The following SLC35E4 variants were observed in gnomAD, a reference collection of about 807,000 sequenced individuals.
SLC35E4 encodes solute carrier family 35 member E4.
In SLC35E4, 15 loss-of-function variants were observed where a neutral mutation model predicts 19.3. The ratio of observed to expected loss-of-function variants is 0.78; its 90% CI spans 0.52 to 1.20. The LOEUF is 1.20. Ranked by LOEUF, SLC35E4 falls within the 50% of genes most tolerant of loss-of-function variation. The probability of loss-of-function intolerance (pLI) is 0.00; values close to 1 mark genes in which losing one functional copy is unlikely to be tolerated. For missense variants in SLC35E4, 406 were observed against 472.3 expected (o/e 0.86, Z 1.30); for synonymous variants, 219 against 219.9 (o/e 1.00, Z 0.04).
Position 30,646,933 on chromosome 22 carries a change from CT to C in SLC35E4, c.958del (p.Ser320GlnfsTer69). ...ALSYVGIALT[L>X]SGMFLYHNCE... ...CAGCTACGTGGGCATCGCACTCACT[CT>C]TTCAGGAATGTTCCTTTACCACAAC... On this transcript the variant is annotated frameshift_variant, in exon 2 of 2. Transcript: ENST00000343605. LOFTEE classifies it high-confidence loss of function. 1 of 1,614,206 alleles carries C rather than the reference CT, an allele frequency of 6.2e-7. No individual in the cohort carries two copies.
chr22:30,659,327 G>C (rs1001432506), intron 2 of SLC35E4, among the ~76,000 whole-genome samples: 3 of 152,008 alleles, frequency 2.0e-5, no homozygotes, highest in East Asian at 3.9e-4. Flanking sequence ...GGAAAGTCTG[G>C]ACCCTGAGAT....
chr22:30,651,544 T>C (rs530759866), downstream of SLC35E4, among the ~76,000 whole-genome samples: 5 of 145,856 alleles, frequency 3.4e-5, no homozygotes, highest in African/African-American at 7.7e-5. Flanking sequence ...CCTCCCAAAG[T>C]GCTAGGATTA....
At chr22:30,658,940 C>A (rs1437257233) in intron 2 of SLC35E4, among the ~76,000 whole-genome samples, 1 of 151,822 alleles carries the variant, frequency 6.6e-6, no homozygotes, top group Non-Finnish European at 1.5e-5. Context: ...ATCAGGAGAT[C>A]GAGACCATCC....
At chr22:30,664,517 A>C (rs1030639620), downstream of SLC35E4, among the ~76,000 whole-genome samples, 1 of 152,120 alleles carries the variant, frequency 6.6e-6, no homozygotes, top group Non-Finnish European at 1.5e-5. Flanking sequence ...AGCCCCTCTG[A>C]GTGGGAACCA....
At chr22:30,664,573 A>G (rs2088584139), downstream of SLC35E4, among the ~76,000 whole-genome samples, 1 of 152,202 alleles carries the variant, frequency 6.6e-6, no homozygotes, top group African/African-American at 2.4e-5. Flanking sequence ...TGCCCAAATC[A>G]TAAGGTCCTG....
downstream of SLC35E4, chr22:30,665,686 G>T (rs1443168464): frequency 8.5e-6 from 3 of 353,538 alleles, no homozygotes; most frequent in Non-Finnish European, 1.7e-5. Flanking sequence ...GTTTTGCTCC[G>T]ATCTGTCTGA....
At chr22:30,662,558 C>T (rs1012652190) in exon 3 of SLC35E4, 1 of 151,972 alleles carries the variant, frequency 6.6e-6, no homozygotes, top group Non-Finnish European at 1.5e-5. Flanking sequence ...ACAGTGGTAT[C>T]GGGGTACAGT....
chr22:30,641,217 G>A (rs1160208013), intron 1 of SLC35E4, among the ~76,000 whole-genome samples: 1 of 152,214 alleles, frequency 6.6e-6, no homozygotes, highest in East Asian at 1.9e-4. Context: ...GCCCCAGCCT[G>A]CAGGAGGGGC....
downstream of SLC35E4, among the ~76,000 whole-genome samples, chr22:30,649,487 G>A (rs1310925165): frequency 7.8e-6 from 1 of 128,874 alleles, no homozygotes; most frequent in African/African-American, 3.0e-5. Flanking sequence ...CCAGCCCACG[G>A]CGGGGTGGGA....
At chr22:30,638,175 G>T (rs1299869893) in intron 1 of SLC35E4, among the ~76,000 whole-genome samples, 1 of 151,426 alleles carries the variant, frequency 6.6e-6, no homozygotes, top group African/African-American at 2.4e-5. Flanking sequence ...GACCACCCTG[G>T]CCAACATGGT....
At chr22:30,667,474 G>C (rs565593540), downstream of SLC35E4, 2 of 152,180 alleles carry the variant, frequency 1.3e-5, no homozygotes, top group Non-Finnish European at 2.9e-5. Flanking sequence ...CTCTCCTTCA[G>C]GCGGGTGGGC....
Position 30,637,012 on chromosome 22 carries a change from G to C in SLC35E4, c.562G>C (p.Gly188Arg), listed in dbSNP as rs2087963369. 6.3e-7 allele frequency: 1 copy of C among 1,599,660 alleles called. No homozygotes were observed. Among genetic ancestry groups the C allele is most frequent in the Non-Finnish European group, 8.5e-7 (1 of 1,170,384 alleles). The change falls in exon 1 of 2, where the codon GGC (glycine) becomes CGC (arginine). Residue 188 changes from glycine to arginine, a missense_variant. Gly to Arg is a moderately radical substitution (Grantham distance 125). Coordinates refer to ENST00000343605, the MANE Select transcript of SLC35E4 (RefSeq NM_001001479.4). The part of the protein sequence containing the change: ...LAGEFRTPPT[G>R]CGFLLAATCL... ...TGGAGAGTTCCGGACACCCCCTACC[G>C]GCTGTGGCTTCCTGCTCGCAGCCAC...
At chr22:30,657,679 T>C (rs1433624118) in intron 2 of SLC35E4, among the ~76,000 whole-genome samples, 3 of 151,368 alleles carry the variant, frequency 2.0e-5, no homozygotes, top group Admixed American at 6.6e-5. Context: ...CCGAGTCAGG[T>C]GGATCACGAG....
chr22:30,650,784 GAGTCC>G (rs1569061535), downstream of SLC35E4, among the ~76,000 whole-genome samples: 28 of 152,180 alleles, frequency 1.8e-4, no homozygotes, highest in African/African-American at 6.7e-4. Context: ...GCACATTTGA[GAGTCC>G]CCCAGGCATG....
chr22:30,660,841 A>ATT (rs201034099), intron 2 of SLC35E4, among the ~76,000 whole-genome samples: 84 of 144,308 alleles, frequency 5.8e-4, no homozygotes, highest in Admixed American at 1.3e-3. Context: ...GCATAGAACA[A>ATT]TTTTTTTTTT....
downstream of SLC35E4, among the ~76,000 whole-genome samples, chr22:30,650,179 A>C (rs1348746320): frequency 7.4e-6 from 1 of 134,450 alleles, no homozygotes; most frequent in Admixed American, 7.5e-5. Flanking sequence ...TAAAAATACA[A>C]AAATTAGCTG....
intron 1 of SLC35E4, among the ~76,000 whole-genome samples, chr22:30,637,942 G>A (rs943118442): frequency 1.3e-5 from 2 of 152,202 alleles, no homozygotes; most frequent in Non-Finnish European, 2.9e-5. Context: ...GTCTAAGTCT[G>A]GGGAGGGCTG....
chr22:30,657,826 C>G (rs546060503), intron 2 of SLC35E4, among the ~76,000 whole-genome samples: 5 of 151,328 alleles, frequency 3.3e-5, no homozygotes, highest in African/African-American at 1.2e-4. Flanking sequence ...ATGACGTGAA[C>G]TCGGGAGGCG....
At chr22:30,645,495 T>C (rs545773333) in intron 1 of SLC35E4, among the ~76,000 whole-genome samples, 44 of 150,322 alleles carry the variant, frequency 2.9e-4, no homozygotes, top group African/African-American at 1.0e-3. Context: ...CTTGGGAGAC[T>C]GAGGCAGGAG....
Sources: gnomAD v4.1 joint callset for allele counts (sites outside exome capture counted in the v4.1 genomes callset) on GRCh38, gnomAD v4.1.1 for gene constraint, MANE v1.5 for transcripts, NCBI Gene and HGNC (gene_info 2026-07-23, HGNC 2026-07-21) for gene names.